Variants in LUZP1 observed in about 807,000 individuals in gnomAD.
LUZP1 encodes leucine zipper protein 1.
Under a neutral mutation model 71.3 loss-of-function variants are expected in LUZP1, and 25 were observed. The ratio of observed to expected loss-of-function variants is 0.35; its 90% CI spans 0.26 to 0.49. The LOEUF (loss-of-function observed/expected upper bound fraction) is 0.49, where lower values mean the gene tolerates loss of function less well. Among genes scored for constraint, LUZP1 ranks in the 20% least tolerant of loss-of-function variants. The probability of loss-of-function intolerance (pLI) is 0.99; values close to 1 mark genes in which losing one functional copy is unlikely to be tolerated. For synonymous variants in LUZP1, 481 were observed against 506.4 expected, an observed-to-expected ratio of 0.95 and a Z score of 0.67; for missense variants, 1,142 against 1,300.8, an observed-to-expected ratio of 0.88 and a Z score of 1.88.
At chr1:23,167,010 G>A (rs1026478517) in intron 2 of LUZP1, among the ~76,000 whole-genome samples, 6 of 152,104 alleles carry the variant, frequency 3.9e-5, no homozygotes, top group African/African-American at 7.2e-5. Context: ...ATTCTTCTAG[G>A]AGTAAATTCT....
At position 23,091,178 on chromosome 1, in the gene LUZP1, G is replaced by A; in HGVS notation, c.3072+12C>T. Reference sequence around the variant, plus strand: ...GGGAGAAAAGAGAGAGGGGAGAGAGGCTGGAACTCACCATGCTTGCTGAGT... The same window carrying A: ...GGGAGAAAAGAGAGAGGGGAGAGAGACTGGAACTCACCATGCTTGCTGAGT... On this transcript the variant is annotated intron_variant, in intron 4 of 4. Coordinates refer to ENST00000302291, the Ensembl canonical transcript of LUZP1. 1 of 1,590,320 alleles carries A rather than the reference G, an allele frequency of 6.3e-7. No homozygotes were observed. The highest frequency in any genetic ancestry group is 1.3e-5 in the African/African-American group (1 of 74,440).
intron 2 of LUZP1, among the ~76,000 whole-genome samples, chr1:23,130,383 T>G (rs1210987859): frequency 6.6e-6 from 1 of 152,198 alleles, no homozygotes; most frequent in African/African-American, 2.4e-5. Flanking sequence ...TCCTTGAAGG[T>G]GCAGAACTGT....
intron 2 of LUZP1, among the ~76,000 whole-genome samples, chr1:23,119,043 T>C (rs1253705070): frequency 2.0e-5 from 3 of 152,208 alleles, no homozygotes; most frequent in African/African-American, 4.8e-5. Context: ...GGTTGTCCTA[T>C]GTTGTTTTAT....
chr1:23,124,249 T>C (rs1263743344), intron 2 of LUZP1, among the ~76,000 whole-genome samples: 6 of 152,132 alleles, frequency 3.9e-5, no homozygotes, highest in Non-Finnish European at 7.4e-5. Flanking sequence ...TGCAATAATC[T>C]AGTCTAGCCT....
chr1:23,089,803 C>T (rs573367930), intron 4 of LUZP1, among the ~76,000 whole-genome samples: 1 of 151,958 alleles, frequency 6.6e-6, no homozygotes, highest in African/African-American at 2.4e-5. Context: ...TCTTGTTGCC[C>T]AGGCTGGAGT....
Position 23,117,556 on chromosome 1 carries a change from G to A in LUZP1, c.-225-8429C>T, listed in dbSNP as rs529633381. Among the ~76,000 whole-genome samples, 299 of 130,864 alleles carry A rather than the reference G, an allele frequency of 2.3e-3. 4 individuals carry two copies. Among genetic ancestry groups the A allele is most frequent in the African/African-American group, 8.0e-3 (275 of 34,242 alleles). The allele number at this position is 130,864 out of a possible 152,430, so 85.9% of individuals were successfully genotyped here. On this transcript the variant is annotated intron_variant, in intron 2 of 4. Transcript: ENST00000302291. ...ACACCTTGAGAAAGTAACTTGCCCAGTTACAGCAGAAATAATTTTAAATAA... is the reference window on the plus strand; with the variant it reads ...ACACCTTGAGAAAGTAACTTGCCCAATTACAGCAGAAATAATTTTAAATAA...
At chr1:23,109,338 T>C (rs185173437) in intron 2 of LUZP1, among the ~76,000 whole-genome samples, 11 of 152,334 alleles carry the variant, frequency 7.2e-5, no homozygotes, top group Admixed American at 3.3e-4. Context: ...AATTTGGCTG[T>C]AGGAGACTTC....
Position 23,162,102 on chromosome 1 carries a change from G to T in LUZP1, c.-226+6664C>A, listed in dbSNP as rs953389976. 1.3e-4 allele frequency among the ~76,000 whole-genome samples: 20 copies of T among 150,358 alleles called. 1 individual carries two copies. The highest frequency in any genetic ancestry group is 9.9e-4 in the Admixed American group (15 of 15,082). ...TAAAAACCACTAAAAATTTTTGCAC[G>T]GTCACATTAGTGTTAAATAAAAGGA... is the stretch of plus-strand genomic sequence containing the variant. On this transcript the variant is annotated intron_variant, in intron 2 of 4. Transcript: ENST00000302291.
chr1:23,104,732 A>G lies in LUZP1; in HGVS notation c.-120+4290T>C, dbSNP rs375215566. On this transcript the variant is annotated intron_variant, in intron 3 of 4. Transcript: ENST00000302291. ...CTTATAAATGTTTTGTAAATAAATT[A>G]ATGTAATAGTTTTATTGTATTCTGT... Among the ~76,000 whole-genome samples the G allele has an allele frequency of 5.3e-5, 8 of 152,334 alleles. No homozygotes were observed. The East Asian group carries it at 1.5e-3, about 29-fold the overall frequency.
chr1:23,092,273 C>T (rs780937992), exon 4 of LUZP1: 1 of 1,614,054 alleles, frequency 6.2e-7, no homozygotes, highest in East Asian at 2.2e-5. Flanking sequence ...ATGCTATGTC[C>T]AAGTCATCAT....
exon 4 of LUZP1, chr1:23,092,335 C>A (rs1367728917): frequency 3.1e-6 from 5 of 1,614,190 alleles, no homozygotes; most frequent in Non-Finnish European, 3.4e-6. Context: ...CACCTCAAGG[C>A]TTCATGCGGA....
At chr1:23,116,597 G>A in intron 2 of LUZP1, among the ~76,000 whole-genome samples, 2 of 144,458 alleles carry the variant, frequency 1.4e-5, no homozygotes, top group African/African-American at 2.7e-5. Context: ...AAAAAAAAAA[G>A]GCAAAGAGAA....
chr1:23,149,400 A>T (rs1484155900), intron 2 of LUZP1, among the ~76,000 whole-genome samples: 1 of 152,156 alleles, frequency 6.6e-6, no homozygotes, highest in Non-Finnish European at 1.5e-5. Context: ...TCCAACAACC[A>T]GCCAAATGCC....
chr1:23,091,912 C>T (rs779054767), exon 4 of LUZP1: 17 of 1,614,066 alleles, frequency 1.1e-5, no homozygotes, highest in African/African-American at 4.0e-5. Flanking sequence ...GGTTTGGAGA[C>T]GGGTTTCTGT....
At position 23,094,367 on chromosome 1, in the gene LUZP1, A is replaced by T; in HGVS notation, c.-106T>A. The T allele has an allele frequency of 6.7e-7, 1 of 1,482,852 alleles. No homozygotes were observed. 91.9% of individuals were successfully genotyped at this position (1,482,852 alleles called of 1,614,324 possible). On this transcript the variant is annotated 5_prime_UTR_variant, in exon 4 of 5. Transcript: ENST00000302291. This position sits in a 1 kb window ranked among gnomAD's most constrained non-coding sequence, Gnocchi z 4.7. ...AACCACAATCTTCTTTGACAGCTGG[A>T]GACCATCATCAATCTACAAAAGGAA... is the stretch of plus-strand genomic sequence containing the variant.
At chr1:23,145,492 G>T (rs1178694781) in intron 2 of LUZP1, among the ~76,000 whole-genome samples, 1 of 140,354 alleles carries the variant, frequency 7.1e-6, no homozygotes, top group African/African-American at 2.7e-5. Flanking sequence ...TTTTTGAGAC[G>T]GAGTCTTACT....
chr1:23,150,267 G>A (rs985741871), intron 2 of LUZP1, among the ~76,000 whole-genome samples: 2 of 152,070 alleles, frequency 1.3e-5, no homozygotes, highest in African/African-American at 2.4e-5. Context: ...ATAAAAATGG[G>A]GAGAGAACAG....
exon 5 of LUZP1, chr1:23,088,561 C>T (rs779089175): frequency 3.5e-5 from 7 of 200,764 alleles, no homozygotes; most frequent in Non-Finnish European, 7.1e-5. Context: ...ACCAAGGAGC[C>T]GAGAAGAATT....
intron 2 of LUZP1, among the ~76,000 whole-genome samples, chr1:23,134,840 T>C (rs1157163604): frequency 6.6e-6 from 1 of 152,084 alleles, no homozygotes; most frequent in Non-Finnish European, 1.5e-5. Flanking sequence ...TCCCAACTTT[T>C]AAGTTCAGGG....
Sources: gnomAD v4.1 joint callset for allele counts (sites outside exome capture counted in the v4.1 genomes callset) on GRCh38, gnomAD v4.1.1 for gene constraint, Gnocchi (gnomAD v3.1) non-coding constraint, MANE v1.5 for transcripts, NCBI Gene and HGNC (gene_info 2026-07-23, HGNC 2026-07-21) for gene names.